The following PCDH15 variants were observed in gnomAD, a reference collection of about 807,000 sequenced individuals.
The protein encoded by PCDH15 is protocadherin-15.
Under a neutral mutation model 178.5 loss-of-function variants are expected in PCDH15, and 129 were observed. That is an observed-to-expected ratio of 0.72 (90% CI 0.63 to 0.84). PCDH15 has a LOEUF of 0.84. Among genes scored for constraint, PCDH15 ranks in the 40% least tolerant of loss-of-function variants. PCDH15 has a pLI of 0.00. For synonymous variants in PCDH15, 800 were observed against 732.0 expected (o/e 1.09, Z -1.50); for missense variants, 2,230 against 2,099.9 (o/e 1.06, Z -1.21).
chr10:54,290,051 A>G (rs1486595510), intron 8 of PCDH15, among the ~76,000 whole-genome samples: 2 of 152,098 alleles, frequency 1.3e-5, no homozygotes, highest in Non-Finnish European at 2.9e-5. Flanking sequence ...AGAGAACACC[A>G]CAGACACTCC....
At chr10:55,092,081 T>C (rs1317591624) in intron 2 of PCDH15, among the ~76,000 whole-genome samples, 1 of 151,904 alleles carries the variant, frequency 6.6e-6, no homozygotes, top group Admixed American at 6.6e-5. Context: ...AAATGTTCCA[T>C]TGTAAATTAT....
chr10:53,978,061 C>T (rs779727904), intron 21 of PCDH15, among the ~76,000 whole-genome samples: 1 of 152,168 alleles, frequency 6.6e-6, no homozygotes, highest in African/African-American at 2.4e-5. Flanking sequence ...CAGGCACACA[C>T]AGCAAACTGT....
intron 3 of PCDH15, among the ~76,000 whole-genome samples, chr10:54,835,236 C>T (rs954691979): frequency 8.5e-5 from 13 of 152,202 alleles, no homozygotes; most frequent in South Asian, 4.1e-4. Context: ...TCTTCATGGT[C>T]GCAATGAATT....
At chr10:55,263,259 T>G (rs776916558) in intron 1 of PCDH15, among the ~76,000 whole-genome samples, 5 of 152,198 alleles carry the variant, frequency 3.3e-5, no homozygotes, top group Non-Finnish European at 7.3e-5. Context: ...CTCTTTTCTC[T>G]CTTTTATGGT....
At chr10:54,943,602 GTAATGGATA>G (rs766245911) in intron 2 of PCDH15, among the ~76,000 whole-genome samples, 34 of 151,876 alleles carry the variant, frequency 2.2e-4, no homozygotes, top group Non-Finnish European at 4.1e-4. Flanking sequence ...AAAGAGCATT[GTAATGGATA>G]TAATGCATTT....
At chr10:53,932,076 G>A (rs1352596000) in intron 25 of PCDH15, among the ~76,000 whole-genome samples, 3 of 152,128 alleles carry the variant, frequency 2.0e-5, no homozygotes, top group African/African-American at 7.2e-5. Context: ...GTCAGACCTG[G>A]GTTTAAAACA....
chr10:53,894,192 C>T (rs78022905), intron 26 of PCDH15, among the ~76,000 whole-genome samples: 1 of 152,240 alleles, frequency 6.6e-6, no homozygotes, highest in East Asian at 1.9e-4. Flanking sequence ...ATCATGCACA[C>T]AGATAAACGA....
chr10:54,051,123 C>A (rs981238868), intron 18 of PCDH15, among the ~76,000 whole-genome samples: 2 of 152,086 alleles, frequency 1.3e-5, no homozygotes, highest in African/African-American at 4.8e-5. Context: ...TAAGTATCCC[C>A]GTCTCGAGTA....
At chr10:55,063,350 C>A (rs1393649979) in intron 2 of PCDH15, among the ~76,000 whole-genome samples, 2 of 152,040 alleles carry the variant, frequency 1.3e-5, no homozygotes, top group Non-Finnish European at 2.9e-5. Flanking sequence ...TCTCAACATT[C>A]CTAATCTCTC....
In PCDH15 at chr10:55,365,341, G is replaced by C. The variant is rs74502538; in HGVS notation, c.-155-198690C>G. On this transcript the variant is annotated intron_variant, in intron 2 of 5. Coordinates refer to the PCDH15 transcript ENST00000613346. ...AACAAGACCCTGTGGTTTCTATGTT[G>C]GACACTGTCCTTCTCCTTTCCCCTT... Among the ~76,000 whole-genome samples, 828 of 152,190 alleles carry C rather than the reference G, an allele frequency of 5.4e-3. 8 individuals carry two copies. Among genetic ancestry groups the C allele is most frequent in the African/African-American group, 0.018 (738 of 41,526 alleles).
intron 11 of PCDH15, chr10:54,189,473 A>T: frequency 1.3e-6 from 1 of 792,216 alleles, no homozygotes; most frequent in Non-Finnish European, 1.8e-6. Context: ...CTTCCAGCAC[A>T]CTAGACTGAC....
chr10:54,495,673 C>A (rs2080043401), intron 3 of PCDH15, among the ~76,000 whole-genome samples: 2 of 152,076 alleles, frequency 1.3e-5, no homozygotes, highest in Admixed American at 1.3e-4. Context: ...ACTTTGTAAT[C>A]ACCTTTGGAT....
At chr10:54,866,015 C>A (rs182262843) in intron 3 of PCDH15, among the ~76,000 whole-genome samples, 1 of 152,148 alleles carries the variant, frequency 6.6e-6, no homozygotes, top group East Asian at 1.9e-4. Context: ...TGAATATGAT[C>A]AAGATTTTTG....
chr10:54,869,856 T>C (rs1242865240), intron 3 of PCDH15, among the ~76,000 whole-genome samples: 1 of 152,158 alleles, frequency 6.6e-6, no homozygotes, highest in Non-Finnish European at 1.5e-5. Context: ...CTGCTTTAAA[T>C]ACTGACACAT....
chr10:55,098,578 A>G (rs2264765), intron 2 of PCDH15, among the ~76,000 whole-genome samples: 68,617 of 151,702 alleles, frequency 0.45, 19,224 homozygotes, highest in African/African-American at 0.79. Context: ...TCTTCCCTCT[A>G]TTTGCCAAGC....
intron 15 of PCDH15, among the ~76,000 whole-genome samples, chr10:54,131,868 C>T (rs2042465221): frequency 6.6e-6 from 1 of 152,180 alleles, no homozygotes; most frequent in African/African-American, 2.4e-5. Flanking sequence ...TCAATACAAA[C>T]ATTCTATGAA....
intron 2 of PCDH15, among the ~76,000 whole-genome samples, chr10:55,480,832 A>C (rs1248915402): frequency 6.6e-6 from 1 of 151,868 alleles, no homozygotes; most frequent in Non-Finnish European, 1.5e-5. Flanking sequence ...ATTTGGTATA[A>C]GGAGGATGCT....
chr10:54,984,845 T>A (rs552855574), intron 2 of PCDH15, among the ~76,000 whole-genome samples: 3 of 152,214 alleles, frequency 2.0e-5, no homozygotes, highest in African/African-American at 4.8e-5. Flanking sequence ...TCCAAAAAAA[T>A]TTTTTTAAAG....
chr10:54,886,213 T>C (rs1246613560), intron 3 of PCDH15, among the ~76,000 whole-genome samples: 1 of 148,894 alleles, frequency 6.7e-6, no homozygotes, highest in Non-Finnish European at 1.5e-5. Context: ...TAGTTAATAA[T>C]AGGAAAATAT....
Sources: gnomAD v4.1 joint callset for allele counts (sites outside exome capture counted in the v4.1 genomes callset) on GRCh38, gnomAD v4.1.1 for gene constraint, MANE v1.5 for transcripts, NCBI Gene and HGNC (gene_info 2026-07-23, HGNC 2026-07-21) for gene names.